The following ATOSA variants were observed in gnomAD, a reference collection of about 807,000 sequenced individuals.
ATOSA encodes atos homolog A, also known as atos homolog protein A.
At chr15:52,644,468 A>G in the ATOSA span, among the ~76,000 whole-genome samples, 1 of 152,330 alleles carries the variant, frequency 6.6e-6, no homozygotes, top group East Asian at 1.9e-4. Flanking sequence ...CACAAATAAA[A>G]TTAAGTCATT....
At chr15:52,657,340 G>A in the ATOSA span, 1 of 152,142 alleles carries the variant, frequency 6.6e-6, no homozygotes, top group Non-Finnish European at 1.5e-5. Context: ...TTGTGTAGGT[G>A]TAAGGAGACT....
At chr15:52,690,576 T>C in the ATOSA span, among the ~76,000 whole-genome samples, 143 of 152,332 alleles carry the variant, frequency 9.4e-4, no homozygotes, top group African/African-American at 3.3e-3. Flanking sequence ...GAAAGAAGGT[T>C]AACAAAACCA....
the ATOSA span, among the ~76,000 whole-genome samples, chr15:52,643,395 G>A: frequency 6.6e-6 from 1 of 151,502 alleles, no homozygotes; most frequent in Non-Finnish European, 1.5e-5. Context: ...GTACTCAAGG[G>A]ATCCTCCCGC....
chr15:52,617,026 A>G, the ATOSA span, among the ~76,000 whole-genome samples: 1 of 152,196 alleles, frequency 6.6e-6, no homozygotes, highest in Non-Finnish European at 1.5e-5. Context: ...TAGAGAAGAC[A>G]ATCATCAAAA....
the ATOSA span, chr15:52,614,069 G>A: frequency 2.5e-6 from 1 of 398,626 alleles, no homozygotes; most frequent in Non-Finnish European, 4.5e-6. Flanking sequence ...TAGTTGAACT[G>A]GTATATTAAT....
the ATOSA span, among the ~76,000 whole-genome samples, chr15:52,680,145 T>G: frequency 2.6e-5 from 4 of 152,114 alleles, no homozygotes; most frequent in East Asian, 3.9e-4. Context: ...GCTGTAATTT[T>G]GTTGTTGTGC....
chr15:52,655,724 T>A, the ATOSA span, among the ~76,000 whole-genome samples: 2 of 152,132 alleles, frequency 1.3e-5, no homozygotes, highest in Non-Finnish European at 2.9e-5. Context: ...AATGTTCAGA[T>A]ATGGTAGTGT....
chr15:52,647,890 T>G, the ATOSA span, among the ~76,000 whole-genome samples: 2 of 152,182 alleles, frequency 1.3e-5, no homozygotes, highest in Non-Finnish European at 2.9e-5. Flanking sequence ...TTGACTATTA[T>G]CTTTCTTCAG....
the ATOSA span, chr15:52,609,729 T>C: frequency 1.9e-6 from 3 of 1,613,768 alleles, 1 homozygote; most frequent in South Asian, 3.3e-5. Flanking sequence ...GAGTATTAAA[T>C]GGACGTCCAG....
At chr15:52,620,781 C>G in the ATOSA span, among the ~76,000 whole-genome samples, 40,150 of 151,910 alleles carry the variant, frequency 0.26, 7,224 homozygotes, top group East Asian at 0.85. Flanking sequence ...AACCTCATCT[C>G]TACAAAAATT....
chr15:52,608,478 T>G, the ATOSA span: 1 of 1,307,120 alleles, frequency 7.7e-7, no homozygotes. Context: ...TAATGGAACC[T>G]TGGGCCTTTA....
chr15:52,662,571 C>T, the ATOSA span, among the ~76,000 whole-genome samples: 1 of 151,970 alleles, frequency 6.6e-6, no homozygotes, highest in African/African-American at 2.4e-5. Flanking sequence ...GAGATCGAGA[C>T]CATCCTGGCT....
the ATOSA span, among the ~76,000 whole-genome samples, chr15:52,692,526 G>C: frequency 6.6e-6 from 1 of 152,076 alleles, no homozygotes; most frequent in Non-Finnish European, 1.5e-5. Context: ...CCAGCTAATT[G>C]TATTTTTTGT....
chr15:52,613,624 T>C, the ATOSA span: 45 of 1,534,128 alleles, frequency 2.9e-5, no homozygotes, highest in Non-Finnish European at 4.0e-5. Context: ...ATGATGAACA[T>C]AAACTAGTTT....
the ATOSA span, chr15:52,611,798 G>C: frequency 1.2e-6 from 2 of 1,609,404 alleles, no homozygotes; most frequent in South Asian, 2.2e-5. Flanking sequence ...ATGAATATAA[G>C]CAAAATGTCT....
At chr15:52,652,872 A>C in the ATOSA span, among the ~76,000 whole-genome samples, 1 of 152,168 alleles carries the variant, frequency 6.6e-6, no homozygotes, top group Admixed American at 6.5e-5. Flanking sequence ...ACCAGTTCAT[A>C]CTGTCTCCAC....
the ATOSA span, chr15:52,609,691 A>C: frequency 6.2e-7 from 1 of 1,613,754 alleles, no homozygotes; most frequent in Non-Finnish European, 8.5e-7. Context: ...AACCCGGAAA[A>C]GTTTTGAATG....
the ATOSA span, among the ~76,000 whole-genome samples, chr15:52,668,372 G>A: frequency 1.7e-3 from 256 of 152,292 alleles, 1 homozygote; most frequent in African/African-American, 6.0e-3. Context: ...CATAGAAGTA[G>A]CGAGTAGAAC....
the ATOSA span, among the ~76,000 whole-genome samples, chr15:52,634,661 G>A: frequency 2.7e-5 from 4 of 150,298 alleles, no homozygotes; most frequent in Non-Finnish European, 5.9e-5. Flanking sequence ...GAGTGCAGTG[G>A]CGCGATCTCG....
Sources: gnomAD v4.1 joint callset for allele counts (sites outside exome capture counted in the v4.1 genomes callset) on GRCh38, gnomAD v4.1.1 for gene constraint, MANE v1.5 for transcripts, NCBI Gene and HGNC (gene_info 2026-07-23, HGNC 2026-07-21) for gene names.